Variants in LRIG2 observed in about 807,000 individuals in gnomAD.
The protein encoded by LRIG2 is leucine rich repeats and immunoglobulin like domains 2.
LRIG2 carries 93 observed loss-of-function variants against 107.8 expected under a neutral mutation model. That is an observed-to-expected ratio of 0.86 (90% CI 0.73 to 1.03). The LOEUF (loss-of-function observed/expected upper bound fraction) is 1.03, where lower values mean the gene tolerates loss of function less well. LRIG2 is among the 50% of genes least tolerant of loss of function. LRIG2 has a pLI of 0.00. For synonymous variants in LRIG2, 471 were observed against 470.6 expected, an observed-to-expected ratio of 1.00 and a Z score of -0.01; for missense variants, 1,226 against 1,296.0, an observed-to-expected ratio of 0.95 and a Z score of 0.83.
Position 113,130,417 on chromosome 1 carries a change from G to C in LRIG2, c.*6316G>C, listed in dbSNP as rs1655668525. 6.6e-6 allele frequency: 1 copy of C among 152,112 alleles called. No homozygotes were observed. The highest frequency in any genetic ancestry group is 2.4e-5 in the African/African-American group (1 of 41,418). The allele number at this position is 152,112 out of a possible 1,614,324, so 9.4% of individuals were successfully genotyped here. ...GTTAAAAGTCTTTAACTACTTAAAG[G>C]GTCATCATGAAAAATAAGAATTCTA... is the stretch of plus-strand genomic sequence containing the variant. On this transcript the variant is annotated 3_prime_UTR_variant, in exon 18 of 18. Coordinates refer to ENST00000361127, the MANE Select transcript of LRIG2 (RefSeq NM_014813.3).
At position 113,114,541 on chromosome 1, in the gene LRIG2, A is replaced by G. The variant is rs896586794; in HGVS notation, c.2195A>G (p.Asp732Gly). The G allele has an allele frequency of 5.0e-6, 8 of 1,614,022 alleles. No homozygotes were observed. The African/African-American group carries it at 1.1e-4, about 22-fold the overall frequency. ...SPAPRLNWTK[D>G]DGPLLVTERH... is the part of the protein sequence containing the mutation. Reference sequence around the variant, plus strand: ...GCCCCTCGTCTCAACTGGACTAAAGATGATGGGCCTTTGCTGGTGACAGAA... The same window carrying G: ...GCCCCTCGTCTCAACTGGACTAAAGGTGATGGGCCTTTGCTGGTGACAGAA... Residue 732 changes from aspartate to glycine, a missense_variant, in exon 15 of 18, where the codon GAT becomes GGT. Coordinates refer to ENST00000361127, the MANE Select transcript of LRIG2 (RefSeq NM_014813.3).
chr1:113,098,241 A>T (rs1014777224), intron 8 of LRIG2, among the ~76,000 whole-genome samples: 1 of 152,134 alleles, frequency 6.6e-6, no homozygotes, highest in Non-Finnish European at 1.5e-5. Flanking sequence ...ATGAAACTGT[A>T]TTGATATTAC....
chr1:113,093,253 C>T lies in LRIG2; in HGVS notation c.353C>T (p.Pro118Leu). The T allele has an allele frequency of 6.3e-7, 1 of 1,598,344 alleles. No homozygotes were observed. Among genetic ancestry groups the T allele is most frequent in the Non-Finnish European group, 8.5e-7 (1 of 1,172,162 alleles). The change falls in exon 3 of 18, where the codon CCT becomes CTT. Residue 118 changes from proline (P) to leucine (L), a missense_variant. Physicochemically the swap from Pro to Leu is moderately conservative, Grantham distance 98. Around this residue, in one of 3 missense-constraint regions of LRIG2, gnomAD observed 570 missense variants for 550.2 expected, o/e 1.04. Coordinates refer to ENST00000361127, the MANE Select transcript of LRIG2 (RefSeq NM_014813.3). ...ACAGAAATCCCGTATTTTGGAGAAC[C>T]TACATCTAATATTACTCTACTTTCA... ...ELTEIPYFGE[P>L]TSNITLLSLV... is the part of the protein sequence containing the mutation.
At chr1:113,076,194 C>T (rs1031735717) in intron 1 of LRIG2, among the ~76,000 whole-genome samples, 31 of 147,402 alleles carry the variant, frequency 2.1e-4, no homozygotes, top group African/African-American at 5.8e-4. Context: ...TCAGTAGAGA[C>T]GGGGTTTCAC....
At chr1:113,086,463 G>C (rs1191162420) in intron 1 of LRIG2, among the ~76,000 whole-genome samples, 1 of 152,108 alleles carries the variant, frequency 6.6e-6, no homozygotes, top group South Asian at 2.1e-4. Context: ...TTTACAAAGG[G>C]CCTCTTTGTC....
In LRIG2 at chr1:113,092,562, C is replaced by CT. The variant is rs1292922331; in HGVS notation, c.306-642dup. Among the ~76,000 whole-genome samples the CT allele has an allele frequency of 1.8e-4, 4 of 22,168 alleles. No homozygotes were observed. In the East Asian group the frequency reaches 8.8e-3, roughly 49 times the overall value. 14.5% of individuals were successfully genotyped at this position (22,168 alleles called of 152,430 possible). On this transcript the variant is annotated intron_variant, in intron 2 of 17. Coordinates refer to ENST00000361127, the MANE Select transcript of LRIG2 (RefSeq NM_014813.3). ...AGAGATCTGGATGGACTGATTATGC[C>CT]TTCTTTAAGGACTCAAATTAGCTGC...
intron 17 of LRIG2, among the ~76,000 whole-genome samples, chr1:113,123,165 T>A (rs1187574381): frequency 6.6e-6 from 1 of 152,218 alleles, no homozygotes; most frequent in Non-Finnish European, 1.5e-5. Context: ...TGTGACATAT[T>A]TAAAGATATA....
chr1:113,084,043 T>C (rs987685797), intron 1 of LRIG2, among the ~76,000 whole-genome samples: 6 of 136,172 alleles, frequency 4.4e-5, no homozygotes, highest in Non-Finnish European at 9.5e-5. Context: ...AATAATAATA[T>C]TGGCCTTATC....
intron 1 of LRIG2, among the ~76,000 whole-genome samples, chr1:113,090,687 A>T (rs1653766038): frequency 6.6e-6 from 1 of 151,510 alleles, no homozygotes; most frequent in Non-Finnish European, 1.5e-5. Flanking sequence ...AATACAAAAA[A>T]ATTAGCCGGG....
intron 11 of LRIG2, among the ~76,000 whole-genome samples, chr1:113,105,953 G>A (rs2101049638): frequency 6.6e-6 from 1 of 152,314 alleles, no homozygotes; most frequent in Middle Eastern, 3.4e-3. Context: ...AACTTTGCCA[G>A]GCATGGTGGC....
In LRIG2 at chr1:113,127,463, C is replaced by G. The variant is rs1215473001; in HGVS notation, c.*3362C>G. On this transcript the variant is annotated 3_prime_UTR_variant, in exon 18 of 18. Coordinates refer to ENST00000361127, the MANE Select transcript of LRIG2 (RefSeq NM_014813.3). ...GCCAGGCTGGTCTTGAACTCCTGAC[C>G]TCAGGTGATCTGCTTGCCTTGGCCT... 6.6e-6 allele frequency: 1 copy of G among 151,034 alleles called. No homozygotes were observed. The highest frequency in any genetic ancestry group is 1.9e-4 in the East Asian group (1 of 5,132). 9.4% of individuals were successfully genotyped at this position (151,034 alleles called of 1,614,324 possible). A position where few individuals can be genotyped will look rare whatever the true frequency, so the allele number is the denominator to read the frequency against.
In LRIG2 at chr1:113,124,170, A is replaced by C; in HGVS notation, c.*69A>C. ...TTTTGCATTTACTACCTCAGAGCTC[A>C]GAAGAAACTCCGAAGTCAGCATTTG... On this transcript the variant is annotated 3_prime_UTR_variant, in exon 18 of 18. Coordinates refer to ENST00000361127, the MANE Select transcript of LRIG2 (RefSeq NM_014813.3). The C allele has an allele frequency of 7.4e-7, 1 of 1,348,738 alleles. No homozygotes were observed. Among genetic ancestry groups the C allele is most frequent in the Non-Finnish European group, 1.1e-6 (1 of 951,658 alleles). The allele number at this position is 1,348,738 out of a possible 1,614,324, so 83.5% of individuals were successfully genotyped here.
intron 9 of LRIG2, among the ~76,000 whole-genome samples, chr1:113,099,244 C>CTTTTTTTTTT (rs984786053): frequency 0.46 from 54,588 of 117,726 alleles, 16,141 homozygotes; most frequent in African/African-American, 0.69. Flanking sequence ...TGGTTTTTTT[C>CTTTTTTTTTT]TTTTTTTTTT....
chr1:113,098,139 T>A (rs186878265), intron 8 of LRIG2, among the ~76,000 whole-genome samples: 1 of 152,344 alleles, frequency 6.6e-6, no homozygotes, highest in Admixed American at 6.5e-5. Flanking sequence ...AGGAGATCCA[T>A]ACTTTCCCTT....
chr1:113,089,244 C>T (rs1316396175), intron 1 of LRIG2, among the ~76,000 whole-genome samples: 1 of 152,170 alleles, frequency 6.6e-6, no homozygotes, highest in South Asian at 2.1e-4. Flanking sequence ...CATATTGTAA[C>T]ATACAGCACA....
At chr1:113,097,966 A>G (rs745610839) in intron 8 of LRIG2, among the ~76,000 whole-genome samples, 3 of 152,220 alleles carry the variant, frequency 2.0e-5, no homozygotes, top group Non-Finnish European at 4.4e-5. Flanking sequence ...CTAATCACAC[A>G]ACTCTACATG....
At chr1:113,104,307 T>C (rs1209596669) in intron 11 of LRIG2, among the ~76,000 whole-genome samples, 1 of 152,202 alleles carries the variant, frequency 6.6e-6, no homozygotes, top group Non-Finnish European at 1.5e-5. Flanking sequence ...TCTGGACTCT[T>C]TGTCACTGGG....
intron 6 of LRIG2, 151 bp from the exon 7 acceptor site, chr1:113,095,723 A>G (rs548132811): frequency 4.2e-6 from 3 of 711,668 alleles, no homozygotes; most frequent in South Asian, 3.7e-5. Flanking sequence ...TAAATCTTAA[A>G]TAAGATATTC....
intron 1 of LRIG2, among the ~76,000 whole-genome samples, chr1:113,083,693 C>T (rs565049810): frequency 1.1e-4 from 17 of 151,794 alleles, no homozygotes; most frequent in Admixed American, 5.3e-4. Context: ...TCAGAACATC[C>T]TCTGCCCATC....
Sources: allele counts gnomAD v4.1 joint callset (sites outside exome capture counted in the v4.1 genomes callset), GRCh38; gene constraint gnomAD v4.1.1; regional missense constraint gnomAD v4.1.1; transcripts MANE v1.5; gene names NCBI Gene and HGNC (gene_info 2026-07-23, HGNC 2026-07-21).